Variants in DNMBP observed in about 807,000 individuals in gnomAD.
DNMBP encodes dynamin binding protein.
DNMBP carries 87 observed loss-of-function variants against 150.0 expected under a neutral mutation model. The ratio of observed to expected loss-of-function variants is 0.58; its 90% CI spans 0.49 to 0.69. DNMBP has a LOEUF of 0.69. DNMBP is among the 30% of genes least tolerant of loss of function. DNMBP has a pLI of 0.00. For synonymous variants in DNMBP, 711 were observed against 750.4 expected (o/e 0.95, Z 0.86); for missense variants, 1,774 against 1,949.0 (o/e 0.91, Z 1.69).
Position 99,883,986 on chromosome 10 carries a change from G to A in DNMBP, c.3997+25C>T, listed in dbSNP as rs200888442. 2.5e-6 allele frequency: 4 copies of A among 1,605,824 alleles called. No individual in the cohort carries two copies. The African/African-American group carries it at 5.4e-5, about 22-fold the overall frequency. On this transcript the variant is annotated intron_variant, in intron 15 of 16. Transcript: ENST00000324109. ...CTACTATTTTTTTTTTCCAGTTACA[G>A]TCCTCTGCTGCTTAAAATTCTTACC... is the stretch of plus-strand genomic sequence containing the variant.
chr10:99,936,531 T>G (rs2040233835), intron 4 of DNMBP, among the ~76,000 whole-genome samples: 1 of 150,608 alleles, frequency 6.6e-6, no homozygotes, highest in Non-Finnish European at 1.5e-5. Flanking sequence ...TTTTTTTTTT[T>G]TGAGACACGG....
At chr10:99,891,799 G>A (rs1182851739) in intron 11 of DNMBP, among the ~76,000 whole-genome samples, 4 of 150,832 alleles carry the variant, frequency 2.7e-5, no homozygotes, top group African/African-American at 4.9e-5. Context: ...CATCGTCTGA[G>A]ACGTGGGGAG....
At chr10:100,004,580 G>GA (rs2133393448) in intron 1 of DNMBP, among the ~76,000 whole-genome samples, 1 of 152,200 alleles carries the variant, frequency 6.6e-6, no homozygotes, top group East Asian at 1.9e-4. Context: ...CATGTTATTA[G>GA]AAAAACTGGG....
In DNMBP at chr10:99,877,127, G is replaced by C; in HGVS notation, c.*24C>G. ...GGCGGACTGAAAGCAAAGGCAGCAA[G>C]GCTGGGTGGCAGGCAACGTGGGCTC... On this transcript the variant is annotated 3_prime_UTR_variant, in exon 17 of 17. Transcript: ENST00000324109. The C allele has an allele frequency of 6.3e-7, 1 of 1,590,338 alleles. No homozygotes were observed. The highest frequency in any genetic ancestry group is 8.6e-7 in the Non-Finnish European group (1 of 1,167,830).
At chr10:100,004,740 A>G (rs562058317) in intron 1 of DNMBP, among the ~76,000 whole-genome samples, 3 of 152,372 alleles carry the variant, frequency 2.0e-5, no homozygotes, top group South Asian at 4.1e-4. Flanking sequence ...CAAAGAATTT[A>G]TCTATTTGAT....
chr10:99,986,955 C>G (rs981838675), intron 1 of DNMBP, among the ~76,000 whole-genome samples: 4 of 151,748 alleles, frequency 2.6e-5, no homozygotes, highest in African/African-American at 9.7e-5. Flanking sequence ...GAGATCGAGA[C>G]CATCCTGGCT....
At chr10:99,916,879 G>A (rs1015123527) in intron 4 of DNMBP, among the ~76,000 whole-genome samples, 8 of 152,156 alleles carry the variant, frequency 5.3e-5, no homozygotes, top group African/African-American at 1.9e-4. Context: ...GAGTGTGCCT[G>A]TAGTGCCAGC....
At chr10:99,959,888 G>A (rs1430129255) in intron 3 of DNMBP, among the ~76,000 whole-genome samples, 1 of 151,070 alleles carries the variant, frequency 6.6e-6, no homozygotes, top group Non-Finnish European at 1.5e-5. Flanking sequence ...CAAATCTTTA[G>A]TAAAGGGTTC....
At chr10:100,008,629 T>G (rs367784801) in intron 1 of DNMBP, among the ~76,000 whole-genome samples, 4 of 152,240 alleles carry the variant, frequency 2.6e-5, no homozygotes, top group African/African-American at 9.6e-5. Flanking sequence ...TAAAACATTT[T>G]TATTATCACA....
intron 4 of DNMBP, among the ~76,000 whole-genome samples, chr10:99,910,018 C>G (rs2039881180): frequency 6.6e-6 from 1 of 152,184 alleles, no homozygotes; most frequent in South Asian, 2.1e-4. Flanking sequence ...AGGAAAAGAA[C>G]AGCAGTGAAA....
chr10:99,961,015 A>T (rs1291067103), intron 3 of DNMBP, among the ~76,000 whole-genome samples: 6 of 151,890 alleles, frequency 4.0e-5, no homozygotes, highest in Admixed American at 1.3e-4. Context: ...GAAAAAAAAA[A>T]ACTAAGTCTG....
chr10:99,992,472 C>T (rs541192964), intron 1 of DNMBP, among the ~76,000 whole-genome samples: 6 of 151,532 alleles, frequency 4.0e-5, no homozygotes, highest in Admixed American at 3.3e-4. Flanking sequence ...TGGCTCACGC[C>T]TGTAATCCCA....
In DNMBP at chr10:99,885,800, G is replaced by C; in HGVS notation, c.3685C>G (p.Leu1229Val). ...AAGGTAAAAACCTGGAGTTGCTGCA[G>C]AACTCTGCTGTGCTCTTCGTGGAAG... ...AIFHEEHSRV[L>V]QQLQVFTFFP... is the part of the protein sequence containing the mutation. Residue 1229 changes from leucine (L) to valine (V), a missense_variant, in exon 14 of 17, where the codon CTG (leucine) becomes GTG (valine). Coordinates refer to ENST00000324109, the MANE Select transcript of DNMBP (RefSeq NM_015221.4). The C allele has an allele frequency of 1.2e-6, 2 of 1,612,810 alleles. No individual in the cohort carries two copies. The highest frequency in any genetic ancestry group is 2.2e-5 in the South Asian group (2 of 90,448).
intron 1 of DNMBP, among the ~76,000 whole-genome samples, chr10:99,998,209 T>TA (rs1441950288): frequency 7.0e-6 from 1 of 143,542 alleles, no homozygotes; most frequent in African/African-American, 2.7e-5. Flanking sequence ...TACTCCAGCC[T>TA]GGTGACAGAG....
At chr10:99,880,842 G>A (rs1000458290) in intron 15 of DNMBP, among the ~76,000 whole-genome samples, 2 of 152,212 alleles carry the variant, frequency 1.3e-5, no homozygotes, top group Non-Finnish European at 2.9e-5. Context: ...GCTCACGCCT[G>A]TAATCCTAGC....
chr10:99,901,808 A>C (rs1589407345), intron 6 of DNMBP, among the ~76,000 whole-genome samples: 1 of 151,118 alleles, frequency 6.6e-6, no homozygotes, highest in Admixed American at 6.6e-5. Context: ...TCCAGGCACG[A>C]CCCCTCCCCT....
intron 4 of DNMBP, among the ~76,000 whole-genome samples, chr10:99,947,583 G>A (rs1234423011): frequency 7.1e-6 from 1 of 140,096 alleles, no homozygotes; most frequent in African/African-American, 2.5e-5. Context: ...GGGAGGGAGG[G>A]AGGGAGGCAA....
At chr10:99,892,278 C>T (rs1332097471) in intron 11 of DNMBP, among the ~76,000 whole-genome samples, 2 of 148,314 alleles carry the variant, frequency 1.3e-5, no homozygotes, top group Non-Finnish European at 3.0e-5. Context: ...TCATTGAGAA[C>T]GGGCCAGGAT....
intron 1 of DNMBP, among the ~76,000 whole-genome samples, chr10:99,995,161 T>C (rs932532033): frequency 4.0e-5 from 6 of 151,648 alleles, no homozygotes; most frequent in African/African-American, 1.2e-4. Flanking sequence ...CAAGCAATCC[T>C]CCCATCTCAG....
Sources: allele counts gnomAD v4.1 joint callset (sites outside exome capture counted in the v4.1 genomes callset), GRCh38; gene constraint gnomAD v4.1.1; transcripts MANE v1.5; gene names NCBI Gene and HGNC (gene_info 2026-07-23, HGNC 2026-07-21).